The following STK10 variants were observed in gnomAD, a reference collection of about 807,000 sequenced individuals.
STK10 encodes the protein serine/threonine-protein kinase 10.
In STK10, 78 loss-of-function variants were observed where a neutral mutation model predicts 113.8. The observed-to-expected ratio is 0.69, with a 90% confidence interval of 0.57 to 0.83. STK10 has a LOEUF of 0.83. Ranked by LOEUF, STK10 falls within the 40% of genes least tolerant of loss-of-function variation. STK10 has a pLI of 0.00. For missense variants in STK10, 1,109 were observed against 1,280.1 expected, an observed-to-expected ratio of 0.87 and a Z score of 2.04; for synonymous variants, 465 against 494.7, an observed-to-expected ratio of 0.94 and a Z score of 0.80.
chr5:172,119,029 G>A (rs893401277), intron 3 of STK10, among the ~76,000 whole-genome samples: 7 of 152,094 alleles, frequency 4.6e-5, no homozygotes, highest in African/African-American at 7.2e-5. Flanking sequence ...ATGCGGATGC[G>A]GAAGGGCCAG....
chr5:172,179,527 C>T (rs745867488), intron 1 of STK10, among the ~76,000 whole-genome samples: 4 of 152,170 alleles, frequency 2.6e-5, no homozygotes, highest in Non-Finnish European at 5.9e-5. Context: ...TCCCTTCCAC[C>T]GCAGCTTGCT....
chr5:172,055,688 A>G lies in STK10; in HGVS notation c.2426T>C (p.Ile809Thr). ...GCGCGTCTTGCCCTCACTCCTCTGG[A>G]TCTTGGGCAGCCGCGCCTTTTCCTG... Reference protein sequence around the residue: ...QQQEKARLPKIQRSEGKTRMA... With the variant: ...QQQEKARLPKTQRSEGKTRMA... Residue 809 changes from isoleucine to threonine, a missense_variant, in exon 16 of 19, where the codon ATC becomes ACC. Physicochemically the swap from Ile to Thr is moderately conservative, Grantham distance 89. Transcript: ENST00000176763. 1 of 1,586,398 alleles carries G rather than the reference A, an allele frequency of 6.3e-7. No individual in the cohort carries two copies. Among genetic ancestry groups the G allele is most frequent in the Non-Finnish European group, 8.6e-7 (1 of 1,164,174 alleles).
chr5:172,106,839 G>A, intron 5 of STK10, 25 bp from the exon 6 acceptor site: 3 of 1,601,590 alleles, frequency 1.9e-6, no homozygotes, highest in Non-Finnish European at 2.6e-6. Context: ...GGACAACATA[G>A]GGCTAAGAAT....
chr5:172,064,780 C>G lies in STK10; in HGVS notation c.2022G>C (p.Gln674His). The part of the protein sequence containing the change: ...VKNEVEKLPR[Q>H]QRKESMKQKM... ...TCTGCTTCATGCTTTCCTTCCGCTG[C>G]TGTCGGGGGAGCTTCTCCACCTCGT... The change falls in exon 13 of 19, where the codon CAG (glutamine) becomes CAC (histidine). Residue 674 changes from glutamine to histidine, a missense_variant. Gln to His is a conservative substitution (Grantham distance 24). This residue lies in a region of STK10 where 885 missense variants were observed against 991.1 expected (regional missense o/e 0.89). Coordinates refer to ENST00000176763, the MANE Select transcript of STK10 (RefSeq NM_005990.4). 6.2e-7 allele frequency: 1 copy of G among 1,613,980 alleles called. No homozygotes were observed. Among genetic ancestry groups the G allele is most frequent in the Non-Finnish European group, 8.5e-7 (1 of 1,179,980 alleles).
chr5:172,161,768 C>A (rs1269278003), intron 1 of STK10, among the ~76,000 whole-genome samples: 1 of 152,110 alleles, frequency 6.6e-6, no homozygotes, highest in Non-Finnish European at 1.5e-5. Flanking sequence ...GATGAGGAGA[C>A]CGATCCGAGG....
At chr5:172,146,343 G>C (rs1202513519) in intron 2 of STK10, among the ~76,000 whole-genome samples, 1 of 152,204 alleles carries the variant, frequency 6.6e-6, no homozygotes, top group Non-Finnish European at 1.5e-5. Flanking sequence ...GACACAGGTA[G>C]GTATTATCAT....
Position 172,082,338 on chromosome 5 carries a change from C to A in STK10, c.1977G>T (p.Leu659=). Residue 659 remains leucine, a synonymous_variant, in exon 12 of 19, where the codon CTG becomes CTT. Transcript: ENST00000176763. The surrounding 1 kb of genome is among the most constrained non-coding windows in gnomAD (Gnocchi z 4.3). ...DYTRFQEQLK[L]MKKEVKNEVE... is the part of the protein sequence containing the mutation. ...AGCACATACTCACCTCTTTCTTCAT[C>A]AGTTTGAGCTGCTCTTGGAACCTGG... 6.4e-7 allele frequency: 1 copy of A among 1,562,832 alleles called. No individual in the cohort carries two copies. Among genetic ancestry groups the A allele is most frequent in the Non-Finnish European group, 8.6e-7 (1 of 1,157,378 alleles).
intron 18 of STK10, among the ~76,000 whole-genome samples, chr5:172,047,849 T>C (rs1411030439): frequency 6.6e-6 from 1 of 152,146 alleles, no homozygotes; most frequent in African/African-American, 2.4e-5. Flanking sequence ...CCTTGCAGTA[T>C]TGATAGCTTC....
chr5:172,136,890 T>C (rs1346832161), intron 2 of STK10, among the ~76,000 whole-genome samples: 2 of 151,920 alleles, frequency 1.3e-5, no homozygotes, highest in African/African-American at 2.4e-5. Flanking sequence ...GTTAGTTACA[T>C]AGGTATACAC....
At chr5:172,104,763 G>A (rs1769061463) in intron 7 of STK10, among the ~76,000 whole-genome samples, 2 of 152,150 alleles carry the variant, frequency 1.3e-5, no homozygotes, top group Admixed American at 6.5e-5. Context: ...GGCCCGCTCT[G>A]CCTAAACTGT....
intron 13 of STK10, 196 bp downstream of exon 13, chr5:172,064,524 C>A: frequency 1.6e-6 from 1 of 613,336 alleles, no homozygotes; most frequent in Non-Finnish European, 2.9e-6. Context: ...GAGCTTACTT[C>A]CAGATGGAGG....
intron 1 of STK10, among the ~76,000 whole-genome samples, chr5:172,158,787 C>A (rs566602638): frequency 6.6e-5 from 10 of 152,260 alleles, no homozygotes; most frequent in African/African-American, 2.4e-4. Flanking sequence ...ATAAGCCAGA[C>A]ACAGGAAACA....
In STK10 at chr5:172,113,032, G is replaced by A. The variant is rs369279551; in HGVS notation, c.520+4449C>T. Among the ~76,000 whole-genome samples the A allele has an allele frequency of 5.3e-5, 8 of 152,364 alleles. No homozygotes were observed. In the East Asian group the frequency reaches 1.5e-3, roughly 29 times the overall value. On this transcript the variant is annotated intron_variant, in intron 4 of 18. Transcript: ENST00000176763. ...CAAAGTGCTAGGATTACAGGCATGA[G>A]CCAACGCGCCCGACCCACTTTTGTT...
In STK10 at chr5:172,055,634, A is replaced by G. The variant is rs756127463; in HGVS notation, c.2480T>C (p.Ile827Thr). 4 of 1,563,710 alleles carry G rather than the reference A, an allele frequency of 2.6e-6. No individual in the cohort carries two copies. The Admixed American group carries it at 7.5e-5, about 29-fold the overall frequency. Reference sequence around the variant, plus strand: ...CTCAGCTGCGCTGCCCCCGCCGTTGATGTGGAGGCTCTTCTTGTACATGGC... The same window carrying G: ...CTCAGCTGCGCTGCCCCCGCCGTTGGTGTGGAGGCTCTTCTTGTACATGGC... Reference protein sequence around the residue: ...RMAMYKKSLHINGGGSAAEQR... With the variant: ...RMAMYKKSLHTNGGGSAAEQR... The change falls in exon 16 of 19, where the codon ATC becomes ACC. Residue 827 changes from isoleucine to threonine, a missense_variant. By Grantham distance (89) the Ile-to-Thr change is moderately conservative. Around this residue, in one of 5 missense-constraint regions of STK10, gnomAD observed 885 missense variants for 991.1 expected, o/e 0.89. Transcript: ENST00000176763.
intron 18 of STK10, among the ~76,000 whole-genome samples, chr5:172,048,048 A>T (rs775504773): frequency 6.6e-6 from 1 of 151,984 alleles, no homozygotes; most frequent in Non-Finnish European, 1.5e-5. Flanking sequence ...GATTACAGGC[A>T]TGCGCCACTG....
At chr5:172,050,874 G>A (rs528316456) in intron 18 of STK10, among the ~76,000 whole-genome samples, 133 of 151,814 alleles carry the variant, frequency 8.8e-4, no homozygotes, top group Non-Finnish European at 1.5e-3. Flanking sequence ...CACTGTGCCC[G>A]GCTAATTTTT....
chr5:172,124,573 G>A (rs564563320), intron 3 of STK10, among the ~76,000 whole-genome samples: 3 of 152,156 alleles, frequency 2.0e-5, no homozygotes, highest in Non-Finnish European at 2.9e-5. Context: ...CTGTAACGAA[G>A]GCTTGTGGGT....
intron 13 of STK10, among the ~76,000 whole-genome samples, chr5:172,063,024 C>A (rs1217782432): frequency 6.6e-6 from 1 of 152,058 alleles, no homozygotes; most frequent in Admixed American, 6.6e-5. Flanking sequence ...CTGAGGCAGG[C>A]GGATCACCTG....
At chr5:172,139,899 C>T (rs1769938052) in intron 2 of STK10, among the ~76,000 whole-genome samples, 1 of 76,926 alleles carries the variant, frequency 1.3e-5, no homozygotes, top group South Asian at 3.3e-4. Flanking sequence ...AAAAGCACAG[C>T]CAAAAAAAAA....
Sources: allele counts gnomAD v4.1 joint callset (sites outside exome capture counted in the v4.1 genomes callset), GRCh38; gene constraint gnomAD v4.1.1; regional missense constraint gnomAD v4.1.1; non-coding constraint Gnocchi (gnomAD v3.1); transcripts MANE v1.5; gene names NCBI Gene and HGNC (gene_info 2026-07-23, HGNC 2026-07-21).